The following GRM7 variants were observed in gnomAD, a reference collection of about 807,000 sequenced individuals.
The protein encoded by GRM7 is metabotropic glutamate receptor 7.
In GRM7, 35 loss-of-function variants were observed where a neutral mutation model predicts 84.5. The observed-to-expected ratio is 0.41, with a 90% confidence interval of 0.32 to 0.55. GRM7 has a LOEUF of 0.55. GRM7 is among the 20% of genes least tolerant of loss of function. The probability of loss-of-function intolerance (pLI) is 0.19; values close to 1 mark genes in which losing one functional copy is unlikely to be tolerated. For missense variants in GRM7, 1,003 were observed against 1,194.6 expected, an observed-to-expected ratio of 0.84 and a Z score of 2.36; for synonymous variants, 487 against 455.1, an observed-to-expected ratio of 1.07 and a Z score of -0.89.
intron 8 of GRM7, among the ~76,000 whole-genome samples, chr3:7,663,527 A>T (rs1027478868): frequency 6.6e-6 from 1 of 152,124 alleles, no homozygotes; most frequent in African/African-American, 2.4e-5. Flanking sequence ...TTCATAACAC[A>T]CTGCTTCTGT....
intron 4 of GRM7, among the ~76,000 whole-genome samples, chr3:7,344,279 G>T (rs1278218489): frequency 6.6e-6 from 1 of 151,996 alleles, no homozygotes; most frequent in Non-Finnish European, 1.5e-5. Context: ...AGTGTGTGTT[G>T]TTACCCTCTA....
At chr3:7,354,200 A>G (rs1030062820) in intron 4 of GRM7, among the ~76,000 whole-genome samples, 13 of 152,136 alleles carry the variant, frequency 8.5e-5, no homozygotes, top group Non-Finnish European at 7.4e-5. Context: ...ATAACTGTGT[A>G]CTGGGGAAAA....
chr3:6,921,867 C>T (rs1237782926), intron 1 of GRM7, among the ~76,000 whole-genome samples: 1 of 152,250 alleles, frequency 6.6e-6, no homozygotes, highest in East Asian at 1.9e-4. Flanking sequence ...CAGGACAAGC[C>T]TAAGCTAATA....
At chr3:7,476,520 CTGG>C (rs1698927882) in intron 7 of GRM7, among the ~76,000 whole-genome samples, 1 of 152,004 alleles carries the variant, frequency 6.6e-6, no homozygotes. Context: ...TCACTCCAGC[CTGG>C]TGACAGTTCG....
chr3:7,366,804 GT>G lies in GRM7; in HGVS notation c.1034-48214del, dbSNP rs556902104. ...TAATTATCACTCTACTCTCTTATCAGTTTTTCTTATAAAAGTAATATATTAT... is the reference window on the plus strand; with the variant it reads ...TAATTATCACTCTACTCTCTTATCAGTTTTCTTATAAAAGTAATATATTAT... On this transcript the variant is annotated intron_variant, in intron 4 of 9. Coordinates refer to ENST00000357716, the MANE Select transcript of GRM7 (RefSeq NM_000844.4). 3.0e-4 allele frequency among the ~76,000 whole-genome samples: 45 copies of G among 151,774 alleles called. 1 individual carries two copies. The East Asian group carries it at 8.5e-3, about 29-fold the overall frequency.
At chr3:7,346,300 A>G (rs1359549796) in intron 4 of GRM7, among the ~76,000 whole-genome samples, 2 of 152,152 alleles carry the variant, frequency 1.3e-5, no homozygotes, top group African/African-American at 4.8e-5. Context: ...ACCTATATCA[A>G]TTTTAATAAC....
At chr3:7,297,896 G>A (rs74531187) in intron 2 of GRM7, among the ~76,000 whole-genome samples, 1,607 of 152,268 alleles carry the variant, frequency 0.011, 35 homozygotes, top group African/African-American at 0.034. Flanking sequence ...CAAGAAGCAG[G>A]GAAGTAAGAT....
chr3:7,708,705 C>T (rs1312024763), intron 9 of GRM7, among the ~76,000 whole-genome samples: 3 of 152,024 alleles, frequency 2.0e-5, no homozygotes, highest in Admixed American at 2.0e-4. Context: ...ACCAGTCACT[C>T]GTAATAGCAT....
chr3:6,920,121 T>G (rs1697074065), intron 1 of GRM7, among the ~76,000 whole-genome samples: 2 of 152,242 alleles, frequency 1.3e-5, no homozygotes, highest in African/African-American at 4.8e-5. Flanking sequence ...ATGATTTAAA[T>G]GTAAGGCATA....
At chr3:7,669,581 T>G (rs773428503) in intron 8 of GRM7, among the ~76,000 whole-genome samples, 7 of 152,186 alleles carry the variant, frequency 4.6e-5, no homozygotes, top group Non-Finnish European at 7.3e-5. Flanking sequence ...GAATCCTGCC[T>G]CTCAGGGTCT....
At position 7,736,469 on chromosome 3, in the gene GRM7, T is replaced by C. The variant is rs150122285; in HGVS notation, c.2699-3888T>C. Among the ~76,000 whole-genome samples, 707 of 152,300 alleles carry C rather than the reference T, an allele frequency of 4.6e-3. 5 individuals carry two copies. Among genetic ancestry groups the C allele is most frequent in the African/African-American group, 0.016 (677 of 41,574 alleles). On this transcript the variant is annotated intron_variant, in intron 9 of 9. Transcript: ENST00000357716. ...TATATAGAAAGCTATATAGTTACTA[T>C]GATTATTAAATCAATGTAAGTAAAT...
chr3:6,940,532 T>C (rs945726038), intron 1 of GRM7, among the ~76,000 whole-genome samples: 1 of 152,228 alleles, frequency 6.6e-6, no homozygotes, highest in Non-Finnish European at 1.5e-5. Flanking sequence ...TCATATTCAA[T>C]AAGAAACTTT....
At chr3:6,885,998 C>T (rs1392643278) in intron 1 of GRM7, among the ~76,000 whole-genome samples, 1 of 152,080 alleles carries the variant, frequency 6.6e-6, no homozygotes, top group Non-Finnish European at 1.5e-5. Flanking sequence ...TGTATATATT[C>T]AACATGTACC....
intron 1 of GRM7, among the ~76,000 whole-genome samples, chr3:6,896,612 T>A (rs1696191748): frequency 6.6e-6 from 1 of 152,200 alleles, no homozygotes; most frequent in Admixed American, 6.5e-5. Flanking sequence ...AGATGTTCAA[T>A]AAGTGGTAGT....
chr3:7,060,093 C>T (rs1295899656), intron 1 of GRM7, among the ~76,000 whole-genome samples: 4 of 151,658 alleles, frequency 2.6e-5, no homozygotes, highest in South Asian at 4.2e-4. Context: ...GAAGATAGAC[C>T]GATTTTTCTT....
chr3:7,691,363 C>A, intron 9 of GRM7: 3 of 731,538 alleles, frequency 4.1e-6, no homozygotes, highest in South Asian at 3.6e-5. Context: ...TATAACCTGG[C>A]ATGTGCTATC....
At chr3:7,345,025 G>GT (rs1301329588) in intron 4 of GRM7, among the ~76,000 whole-genome samples, 1 of 152,066 alleles carries the variant, frequency 6.6e-6, no homozygotes, top group East Asian at 1.9e-4. Context: ...GTAGCATGCT[G>GT]TACCCCATAA....
In GRM7 at chr3:7,378,819, T is replaced by C. The variant is rs529445344; in HGVS notation, c.1034-36204T>C. Among the ~76,000 whole-genome samples, 8 of 152,306 alleles carry C rather than the reference T, an allele frequency of 5.3e-5. No individual in the cohort carries two copies. The South Asian group carries it at 8.3e-4, about 16-fold the overall frequency. ...TTTTGCCACATTTGATTCATCTATC[T>C]TTTAAAATTTTCTTTAAGCGTTTGA... is the stretch of plus-strand genomic sequence containing the variant. On this transcript the variant is annotated intron_variant, in intron 4 of 9. Transcript: ENST00000357716.
intron 1 of GRM7, among the ~76,000 whole-genome samples, chr3:6,921,170 C>A (rs781463575): frequency 6.6e-6 from 1 of 152,182 alleles, no homozygotes; most frequent in Non-Finnish European, 1.5e-5. Context: ...TAGCTCCCAG[C>A]AGGAACAAAA....
Sources: gnomAD v4.1 joint callset for allele counts (sites outside exome capture counted in the v4.1 genomes callset) on GRCh38, gnomAD v4.1.1 for gene constraint, MANE v1.5 for transcripts, NCBI Gene and HGNC (gene_info 2026-07-23, HGNC 2026-07-21) for gene names.